CCDC178: variants seen among roughly 807,000 people sequenced by gnomAD.
CCDC178 encodes coiled-coil domain containing 178.
A neutral mutation model predicts 117.4 loss-of-function variants in CCDC178; 126 were observed. The ratio of observed to expected loss-of-function variants is 1.07; its 90% CI spans 0.93 to 1.24. The LOEUF (loss-of-function observed/expected upper bound fraction) is 1.24, where lower values mean the gene tolerates loss of function less well. Among genes scored for constraint, CCDC178 ranks in the 50% most tolerant of loss-of-function variants. The pLI, the probability that CCDC178 is intolerant of heterozygous loss-of-function variation, is 0.00. For missense variants in CCDC178, 1,030 were observed against 986.9 expected, an observed-to-expected ratio of 1.04 and a Z score of -0.59; for synonymous variants, 283 against 313.4, an observed-to-expected ratio of 0.90 and a Z score of 1.02.
intron 12 of CCDC178, among the ~76,000 whole-genome samples, chr18:33,276,463 A>G (rs1164823683): frequency 6.6e-6 from 1 of 152,112 alleles, no homozygotes; most frequent in African/African-American, 2.4e-5. Flanking sequence ...CAAAAGACTA[A>G]GCACTGAGGT....
At chr18:33,397,010 G>A (rs566169970) in intron 4 of CCDC178, 139 bp downstream of exon 4, 7 of 608,240 alleles carry the variant, frequency 1.2e-5, no homozygotes, top group South Asian at 4.6e-5. Context: ...GAAGCGTTAC[G>A]ATTATTCTCA....
At chr18:32,948,559 T>C (rs931571346) in intron 22 of CCDC178, among the ~76,000 whole-genome samples, 18 of 152,066 alleles carry the variant, frequency 1.2e-4, no homozygotes, top group Non-Finnish European at 5.9e-5. Context: ...CTTAATTACA[T>C]TTTCTATATG....
intron 14 of CCDC178, among the ~76,000 whole-genome samples, chr18:33,246,887 A>T (rs545531241): frequency 1.6e-4 from 25 of 152,056 alleles, no homozygotes; most frequent in Admixed American, 1.2e-3. Context: ...GTTATCCCCA[A>T]TATCATCTTT....
intron 20 of CCDC178, among the ~76,000 whole-genome samples, chr18:33,162,659 C>T (rs536576561): frequency 2.0e-5 from 3 of 152,130 alleles, no homozygotes; most frequent in Non-Finnish European, 4.4e-5. Context: ...ATTTAGCTCC[C>T]ATTTATAAGT....
intron 12 of CCDC178, among the ~76,000 whole-genome samples, chr18:33,273,142 G>A (rs986982448): frequency 6.6e-6 from 1 of 151,450 alleles, no homozygotes; most frequent in Non-Finnish European, 1.5e-5. Context: ...TGTAGAGAAA[G>A]TCCTAAATAA....
intron 22 of CCDC178, among the ~76,000 whole-genome samples, chr18:32,965,576 T>C (rs909078995): frequency 2.0e-5 from 3 of 151,862 alleles, no homozygotes; most frequent in African/African-American, 7.2e-5. Context: ...TTTTTCACTA[T>C]CACTAGTGCT....
At chr18:33,305,085 C>T (rs2062229896) in intron 11 of CCDC178, among the ~76,000 whole-genome samples, 1 of 152,120 alleles carries the variant, frequency 6.6e-6, no homozygotes, top group South Asian at 2.1e-4. Flanking sequence ...CAAGGAAGGA[C>T]CCCATCTGTT....
intron 11 of CCDC178, among the ~76,000 whole-genome samples, chr18:33,320,494 T>C (rs2062491484): frequency 1.3e-5 from 2 of 152,100 alleles, no homozygotes; most frequent in African/African-American, 2.4e-5. Context: ...CCATTCACAA[T>C]TGCTTCAAAG....
At chr18:33,414,686 C>T (rs1420423930) in intron 2 of CCDC178, among the ~76,000 whole-genome samples, 5 of 152,128 alleles carry the variant, frequency 3.3e-5, no homozygotes, top group Admixed American at 2.6e-4. Flanking sequence ...CAACAAAAGC[C>T]GAAATTGACA....
At chr18:32,965,304 A>G (rs537054250) in intron 22 of CCDC178, among the ~76,000 whole-genome samples, 48 of 152,044 alleles carry the variant, frequency 3.2e-4, no homozygotes, top group African/African-American at 1.1e-3. Context: ...TAAACACACA[A>G]CTGAAATATA....
At chr18:33,206,277 T>C (rs2059043948) in intron 20 of CCDC178, among the ~76,000 whole-genome samples, 1 of 152,120 alleles carries the variant, frequency 6.6e-6, no homozygotes, top group South Asian at 2.1e-4. Flanking sequence ...AAAATTTGTT[T>C]TTAATTACTA....
At chr18:33,040,085 C>A (rs114904751) in intron 21 of CCDC178, among the ~76,000 whole-genome samples, 16 of 151,680 alleles carry the variant, frequency 1.1e-4, no homozygotes, top group Middle Eastern at 3.2e-3. Context: ...AAATTGGAAA[C>A]GTTTCCATTT....
At chr18:33,020,764 C>CT (rs796401533) in intron 21 of CCDC178, among the ~76,000 whole-genome samples, 38 of 148,998 alleles carry the variant, frequency 2.6e-4, no homozygotes, top group South Asian at 8.6e-4. Flanking sequence ...GACAAACAAC[C>CT]TTTTTTTTTT....
intron 21 of CCDC178, among the ~76,000 whole-genome samples, chr18:33,061,355 C>T (rs568961903): frequency 2.0e-5 from 3 of 151,924 alleles, no homozygotes; most frequent in African/African-American, 4.8e-5. Context: ...AGAAAAGTAA[C>T]CATACTGTTG....
At chr18:33,309,945 T>C (rs1369127979) in intron 11 of CCDC178, among the ~76,000 whole-genome samples, 2 of 8,762 alleles carry the variant, frequency 2.3e-4, no homozygotes, top group Non-Finnish European at 7.9e-4. Flanking sequence ...TTTCTTTTAT[T>C]TATTTATTTA....
intron 21 of CCDC178, among the ~76,000 whole-genome samples, chr18:32,996,819 T>A (rs992705302): frequency 1.3e-5 from 2 of 151,952 alleles, no homozygotes; most frequent in African/African-American, 2.4e-5. Flanking sequence ...GTAGAAAATA[T>A]TTGAAGCAAA....
chr18:32,972,461 C>T (rs1175622846), intron 22 of CCDC178, among the ~76,000 whole-genome samples: 2 of 152,034 alleles, frequency 1.3e-5, no homozygotes, highest in African/African-American at 2.4e-5. Context: ...ATGATGCCTC[C>T]AGTTTTGTTC....
At chr18:33,425,024 TA>T (rs1452125706) in intron 2 of CCDC178, among the ~76,000 whole-genome samples, 1 of 152,100 alleles carries the variant, frequency 6.6e-6, no homozygotes, top group Non-Finnish European at 1.5e-5. Flanking sequence ...GACTGATTGA[TA>T]GGGGCAGCCA....
At chr18:33,078,433 G>A (rs962795109) in intron 21 of CCDC178, among the ~76,000 whole-genome samples, 3 of 152,142 alleles carry the variant, frequency 2.0e-5, no homozygotes, top group East Asian at 1.9e-4. Context: ...CCTGGCCAGA[G>A]CAATCAGGCA....
Sources: allele counts gnomAD v4.1 joint callset (sites outside exome capture counted in the v4.1 genomes callset), GRCh38; gene constraint gnomAD v4.1.1; transcripts MANE v1.5; gene names NCBI Gene and HGNC (gene_info 2026-07-23, HGNC 2026-07-21).